Variants in DHX30 observed in about 807,000 individuals in gnomAD.
DHX30 encodes the protein ATP-dependent RNA helicase DHX30.
Under a neutral mutation model 116.9 loss-of-function variants are expected in DHX30, and 4 were observed. The ratio of observed to expected loss-of-function variants is 0.03; its 90% CI spans 0.02 to 0.08. DHX30 has a LOEUF of 0.08. Among genes scored for constraint, DHX30 ranks in the 10% least tolerant of loss-of-function variants. The probability of loss-of-function intolerance (pLI) is 1.00; values close to 1 mark genes in which losing one functional copy is unlikely to be tolerated. For synonymous variants in DHX30, 697 were observed against 651.7 expected, an observed-to-expected ratio of 1.07 and a Z score of -1.06; for missense variants, 871 against 1,595.1, an observed-to-expected ratio of 0.55 and a Z score of 7.73.
intron 4 of DHX30, among the ~76,000 whole-genome samples, chr3:47,820,038 C>T (rs950835011): frequency 2.0e-5 from 3 of 152,194 alleles, no homozygotes; most frequent in Non-Finnish European, 2.9e-5. Context: ...GCTGGCCGGG[C>T]ATGGTGGCTT....
At chr3:47,815,338 C>CTT (rs775997419) in intron 3 of DHX30, among the ~76,000 whole-genome samples, 35 of 152,136 alleles carry the variant, frequency 2.3e-4, no homozygotes, top group Non-Finnish European at 4.7e-4. Flanking sequence ...GAGCTATAGC[C>CTT]TTGCCTCAGC....
chr3:47,846,364 C>T lies in DHX30; in HGVS notation c.1292C>T (p.Ala431Val), dbSNP rs766899015. Residue 431 changes from alanine (A) to valine (V), a missense_variant, in exon 11 of 22, where the codon GCC becomes GTC. By Grantham distance (64) the Ala-to-Val change is moderately conservative. Coordinates refer to ENST00000445061, the MANE Select transcript of DHX30 (RefSeq NM_138615.3). ...WRRRGPVWQE[A>V]PQLPVDPHRD... is the part of the protein sequence containing the mutation. Reference sequence around the variant, plus strand: ...CGGCGAGGGCCGGTCTGGCAGGAGGCCCCCCAGCTACCTGTGGACCCACAT... The same window carrying T: ...CGGCGAGGGCCGGTCTGGCAGGAGGTCCCCCAGCTACCTGTGGACCCACAT... 2.3e-5 allele frequency: 37 copies of T among 1,613,862 alleles called. No homozygotes were observed. Among genetic ancestry groups the T allele is most frequent in the Non-Finnish European group, 3.0e-5 (35 of 1,180,042 alleles).
In DHX30 at chr3:47,848,559, G is replaced by A. The variant is rs936295257; in HGVS notation, c.2575+9G>A. On this transcript the variant is annotated intron_variant, in intron 16 of 21. Coordinates refer to ENST00000445061, the MANE Select transcript of DHX30 (RefSeq NM_138615.3). This position sits in a 1 kb window ranked among gnomAD's most constrained non-coding sequence, Gnocchi z 9.4. ...CTTGCTCCAGGAGATCGGTATGTAGGGGCTGGGCTGGGCTGGGCTGGGGAG... is the reference window on the plus strand; with the variant it reads ...CTTGCTCCAGGAGATCGGTATGTAGAGGCTGGGCTGGGCTGGGCTGGGGAG... The A allele has an allele frequency of 1.2e-6, 2 of 1,610,786 alleles. No individual in the cohort carries two copies. Among genetic ancestry groups the A allele is most frequent in the African/African-American group, 1.3e-5 (1 of 74,760 alleles).
chr3:47,843,402 G>GC, intron 9 of DHX30, 147 bp downstream of exon 9: 1 of 1,102,330 alleles, frequency 9.1e-7, no homozygotes, highest in South Asian at 1.6e-5. Context: ...TGCAGGCCTC[G>GC]CTTGTAGGCC....
intron 6 of DHX30, 131 bp from the exon 7 acceptor site, chr3:47,840,746 G>C: frequency 9.2e-7 from 1 of 1,091,008 alleles, no homozygotes; most frequent in South Asian, 1.4e-5. Flanking sequence ...TCTGGACTAG[G>C]GGCTGAAGTG....
chr3:47,833,176 A>G (rs185788166), intron 6 of DHX30, among the ~76,000 whole-genome samples: 186 of 152,154 alleles, frequency 1.2e-3, no homozygotes, highest in Non-Finnish European at 1.9e-3. Flanking sequence ...AATGAATACT[A>G]TATTCAAGCA....
At chr3:47,840,785 C>T (rs904559251) in intron 6 of DHX30, 92 bp from the exon 7 acceptor site, 52 of 1,529,836 alleles carry the variant, frequency 3.4e-5, no homozygotes, top group Middle Eastern at 1.7e-4. Flanking sequence ...CACGGCTGCA[C>T]AACACAACTT....
At chr3:47,823,735 A>G (rs1246386123) in intron 4 of DHX30, among the ~76,000 whole-genome samples, 1 of 152,166 alleles carries the variant, frequency 6.6e-6, no homozygotes, top group Non-Finnish European at 1.5e-5. Flanking sequence ...TAGTATAATG[A>G]ACCTGCAAGT....
Position 47,827,334 on chromosome 3 carries a change from C to G in DHX30, c.125-13C>G, listed in dbSNP as rs374797547. 46 of 1,595,482 alleles carry G rather than the reference C, an allele frequency of 2.9e-5. No individual in the cohort carries two copies. Among genetic ancestry groups the G allele is most frequent in the Non-Finnish European group, 3.8e-5 (45 of 1,175,006 alleles). Reference sequence around the variant, plus strand: ...AAAGAACAACTGTAATGCTTTTGTTCTTATTTTCTTAGCTTCTAGGGACCT... The same window carrying G: ...AAAGAACAACTGTAATGCTTTTGTTGTTATTTTCTTAGCTTCTAGGGACCT... On this transcript the variant is annotated splice_polypyrimidine_tract_variant and intron_variant, in intron 4 of 21. Coordinates refer to ENST00000445061, the MANE Select transcript of DHX30 (RefSeq NM_138615.3).
At chr3:47,833,908 C>T (rs2036983981) in intron 6 of DHX30, among the ~76,000 whole-genome samples, 1 of 151,980 alleles carries the variant, frequency 6.6e-6, no homozygotes, top group Non-Finnish European at 1.5e-5. Flanking sequence ...GTTTATAATA[C>T]AGTATTATTA....
Position 47,849,915 on chromosome 3 carries a change from G to T in DHX30, c.3380G>T (p.Arg1127Leu). The change falls in exon 22 of 22, where the codon CGG (arginine) becomes CTG (leucine). Residue 1127 changes from arginine (R) to leucine (L), a missense_variant. This residue lies in a region of DHX30 where 238 missense variants were observed against 481.0 expected (regional missense o/e 0.49). Coordinates refer to ENST00000445061, the MANE Select transcript of DHX30 (RefSeq NM_138615.3). Reference protein sequence around the residue: ...TISLSDSDLLRLEGDSRTVRL... With the variant: ...TISLSDSDLLLLEGDSRTVRL... ...TCACTGAGCGACAGTGACCTGCTGC[G>T]GCTGGAGGGTGACTCGCGTACCGTG... 4 of 1,613,428 alleles carry T rather than the reference G, an allele frequency of 2.5e-6. No individual in the cohort carries two copies. Among genetic ancestry groups the T allele is most frequent in the Non-Finnish European group, 3.4e-6 (4 of 1,179,824 alleles).
At position 47,849,784 on chromosome 3, in the gene DHX30, G is replaced by A; in HGVS notation, c.3331+15G>A. 1 of 1,609,560 alleles carries A rather than the reference G, an allele frequency of 6.2e-7. No individual in the cohort carries two copies. Among genetic ancestry groups the A allele is most frequent in the Non-Finnish European group, 8.5e-7 (1 of 1,176,960 alleles). ...GCACATCCGTGGTGGGTGCCTGCAG[G>A]CCTCCCGCCCACCCCGCTCTGCAGC... is the stretch of plus-strand genomic sequence containing the variant. On this transcript the variant is annotated intron_variant, in intron 21 of 21. Transcript: ENST00000445061.
At chr3:47,830,388 C>T (rs1289317348) in intron 6 of DHX30, among the ~76,000 whole-genome samples, 1 of 151,428 alleles carries the variant, frequency 6.6e-6, no homozygotes. Context: ...GCGGAGGTTG[C>T]AGTGAGTCGA....
chr3:47,837,024 G>A (rs1462577123), intron 6 of DHX30, among the ~76,000 whole-genome samples: 1 of 152,204 alleles, frequency 6.6e-6, no homozygotes, highest in Admixed American at 6.5e-5. Flanking sequence ...GCACAAAGGG[G>A]ACTGAGTCAG....
intron 6 of DHX30, among the ~76,000 whole-genome samples, chr3:47,832,402 G>T (rs1219265454): frequency 6.6e-6 from 1 of 152,114 alleles, no homozygotes; most frequent in Non-Finnish European, 1.5e-5. Context: ...GTCTAGGCAG[G>T]TCTTGAACTC....
intron 9 of DHX30, among the ~76,000 whole-genome samples, chr3:47,844,007 C>T (rs1046512871): frequency 3.3e-5 from 5 of 152,286 alleles, no homozygotes; most frequent in South Asian, 2.1e-4. Context: ...TGGCCATGGC[C>T]GTTCTCTTGA....
chr3:47,844,475 G>A (rs1454368411), intron 9 of DHX30, among the ~76,000 whole-genome samples: 1 of 152,200 alleles, frequency 6.6e-6, no homozygotes, highest in Non-Finnish European at 1.5e-5. Flanking sequence ...GAGGCTGGTG[G>A]GTAAAACCCA....
chr3:47,819,336 G>C, intron 4 of DHX30: 2 of 1,320,128 alleles, frequency 1.5e-6, no homozygotes, highest in African/African-American at 1.5e-5. Flanking sequence ...TAACCAGGCA[G>C]TTGGCTAGGC....
intron 2 of DHX30, among the ~76,000 whole-genome samples, chr3:47,806,755 A>AG (rs1468520826): frequency 5.9e-5 from 9 of 151,728 alleles, no homozygotes; most frequent in African/African-American, 1.9e-4. Context: ...GTGCCTGGCC[A>AG]ATTTTTTTTG....
Sources: gnomAD v4.1 joint callset for allele counts (sites outside exome capture counted in the v4.1 genomes callset) on GRCh38, gnomAD v4.1.1 for gene constraint, gnomAD v4.1.1 regional missense constraint, Gnocchi (gnomAD v3.1) non-coding constraint, MANE v1.5 for transcripts, NCBI Gene and HGNC (gene_info 2026-07-23, HGNC 2026-07-21) for gene names.